COL17A1: variants seen among roughly 807,000 people sequenced by gnomAD.
The protein encoded by COL17A1 is collagen alpha-1(XVII) chain.
Under a neutral mutation model 218.4 loss-of-function variants are expected in COL17A1, and 181 were observed. That is an observed-to-expected ratio of 0.83 (90% CI 0.73 to 0.94). The LOEUF is 0.94. COL17A1 is among the 40% of genes least tolerant of loss of function. COL17A1 has a pLI of 0.00. For missense variants in COL17A1, 1,924 were observed against 1,945.9 expected, an observed-to-expected ratio of 0.99 and a Z score of 0.21; for synonymous variants, 721 against 731.0, an observed-to-expected ratio of 0.99 and a Z score of 0.22.
intron 53 of COL17A1, 48 bp downstream of exon 53, chr10:104,033,190 A>G: frequency 6.4e-7 from 1 of 1,564,730 alleles, no homozygotes; most frequent in South Asian, 1.2e-5. Context: ...GACCCGTGGG[A>G]ACCTATGCAG....
chr10:104,082,216 T>G (rs1349543717), intron 1 of COL17A1, among the ~76,000 whole-genome samples: 1 of 152,244 alleles, frequency 6.6e-6, no homozygotes, highest in Non-Finnish European at 1.5e-5. Flanking sequence ...TAGGTATGTT[T>G]CCTGGAGCCC....
chr10:104,076,295 T>C lies in COL17A1; in HGVS notation c.331+6A>G. 3.1e-6 allele frequency: 5 copies of C among 1,614,060 alleles called. No homozygotes were observed. Among genetic ancestry groups the C allele is most frequent in the Non-Finnish European group, 4.2e-6 (5 of 1,179,940 alleles). ...GGTTCTCTTGTATGGTTAGTGGGAC[T>C]GATACCTTCATACGCATGGCGGGTA... On this transcript the variant is annotated splice_donor_region_variant and intron_variant, in intron 5 of 55. Transcript: ENST00000648076.
intron 10 of COL17A1, 28 bp from the exon 11 acceptor site, chr10:104,063,846 A>G (rs765735112): frequency 1.9e-5 from 30 of 1,613,758 alleles, no homozygotes; most frequent in Non-Finnish European, 2.5e-5. Flanking sequence ...AAGGCTGGTG[A>G]GAGGGACATC....
rs976417514 is a variant in COL17A1 at position 104,036,973 on chromosome 10, G to C, written c.3277+72C>G. On this transcript the variant is annotated intron_variant, in intron 47 of 55. Transcript: ENST00000648076. ...CCTTCCAAGGCTCAGACGAGGACAA[G>C]GTTTGCATGACGAGTGAGGCCAGGA... 6 of 1,382,978 alleles carry C rather than the reference G, an allele frequency of 4.3e-6. No homozygotes were observed. In the African/African-American group the frequency reaches 7.1e-5, roughly 16 times the overall value. The allele number at this position is 1,382,978 out of a possible 1,614,324, so 85.7% of individuals were successfully genotyped here. A position where few individuals can be genotyped will look rare whatever the true frequency, so the allele number is the denominator to read the frequency against.
chr10:104,073,962 T>C (rs2086688469), intron 6 of COL17A1: 2 of 589,718 alleles, frequency 3.4e-6, no homozygotes, highest in East Asian at 3.4e-5. Flanking sequence ...ATTTCTATAG[T>C]GCCACGAGCA....
chr10:104,040,998 G>A lies in COL17A1; in HGVS notation c.2701+67C>T, dbSNP rs370940376. Reference sequence around the variant, plus strand: ...GAGTAGGTTGTGACCACAAGGCTACGGCCACAGTCTGTGGCAGGACAAGGG... The same window carrying A: ...GAGTAGGTTGTGACCACAAGGCTACAGCCACAGTCTGTGGCAGGACAAGGG... On this transcript the variant is annotated intron_variant, in intron 39 of 55. Coordinates refer to ENST00000648076, the MANE Select transcript of COL17A1 (RefSeq NM_000494.4). 375 of 1,551,428 alleles carry A rather than the reference G, an allele frequency of 2.4e-4. No individual in the cohort carries two copies. In the African/African-American group the frequency reaches 3.9e-3, roughly 16 times the overall value.
chr10:104,036,744 T>A, intron 47 of COL17A1, 112 bp from the exon 48 acceptor site: 1 of 1,363,704 alleles, frequency 7.3e-7, no homozygotes, highest in Non-Finnish European at 1.0e-6. Flanking sequence ...GTGACATTTG[T>A]GAGTTCTGGG....
rs2086309433 is a variant in COL17A1 at position 104,037,253 on chromosome 10, T to C, written c.3209-140A>G. 9 of 797,998 alleles carry C rather than the reference T, an allele frequency of 1.1e-5. 1 individual carries two copies. The South Asian group carries it at 1.2e-4, about 10-fold the overall frequency. 49.4% of individuals were successfully genotyped at this position (797,998 alleles called of 1,614,324 possible). Reference sequence around the variant, plus strand: ...TGAATGGAGTATTACGAGGCTATTTTGAAAGCATAACAAAGTCAAATACTG... The same window carrying C: ...TGAATGGAGTATTACGAGGCTATTTCGAAAGCATAACAAAGTCAAATACTG... On this transcript the variant is annotated intron_variant, in intron 46 of 55. Transcript: ENST00000648076.
At chr10:104,036,701 A>T in intron 47 of COL17A1, 69 bp from the exon 48 acceptor site, 1 of 1,578,478 alleles carries the variant, frequency 6.3e-7, no homozygotes, top group Non-Finnish European at 8.6e-7. Context: ...ATCCAGCCAC[A>T]GCCTGGGCTC....
At chr10:104,061,627 T>C (rs1355372025) in intron 12 of COL17A1, among the ~76,000 whole-genome samples, 154 bp from the exon 13 acceptor site, 1 of 151,992 alleles carries the variant, frequency 6.6e-6, no homozygotes, top group East Asian at 1.9e-4. Context: ...GTAATGAGGG[T>C]TTAGATGGAA....
intron 40 of COL17A1, 86 bp from the exon 41 acceptor site, chr10:104,040,085 T>A (rs1197571927): frequency 6.8e-7 from 1 of 1,471,962 alleles, no homozygotes; most frequent in Non-Finnish European, 9.5e-7. Flanking sequence ...GGATAGGGGC[T>A]CCAATGCTAG....
chr10:104,079,632 T>A (rs77681374), intron 2 of COL17A1, among the ~76,000 whole-genome samples: 4,162 of 152,202 alleles, frequency 0.027, 122 homozygotes, highest in East Asian at 0.11. Flanking sequence ...ACTTAATGCA[T>A]AAAAGGAAAT....
chr10:104,042,957 A>G (rs1469133559), intron 35 of COL17A1, among the ~76,000 whole-genome samples: 2 of 152,238 alleles, frequency 1.3e-5, no homozygotes, highest in African/African-American at 4.8e-5. Context: ...AGTTGAAACC[A>G]CAGAGCAGGC....
rs1394051307 is a variant in COL17A1 at position 104,047,644 on chromosome 10, C to A, written c.2335+95G>T. 6 of 1,032,188 alleles carry A rather than the reference C, an allele frequency of 5.8e-6. No homozygotes were observed. In the African/African-American group the frequency reaches 7.9e-5, roughly 14 times the overall value. The allele number at this position is 1,032,188 out of a possible 1,614,324, so 63.9% of individuals were successfully genotyped here. On this transcript the variant is annotated intron_variant, in intron 31 of 55. Coordinates refer to ENST00000648076, the MANE Select transcript of COL17A1 (RefSeq NM_000494.4). ...CACCCCTTCCCCCACAACCTGCACA[C>A]CTGCACATGCACACGCACACACATG...
At chr10:104,065,331 A>G (rs923440249) in intron 9 of COL17A1, among the ~76,000 whole-genome samples, 3 of 152,170 alleles carry the variant, frequency 2.0e-5, no homozygotes, top group African/African-American at 7.2e-5. Context: ...GATGTTTCCT[A>G]TCATAGTAGA....
chr10:104,077,394 C>A, intron 4 of COL17A1, 28 bp downstream of exon 4: 1 of 1,573,342 alleles, frequency 6.4e-7, no homozygotes. Context: ...CCATTCTTCC[C>A]TGACCTCTTG....
In COL17A1 at chr10:104,080,691, GA is replaced by G; in HGVS notation, c.-11-8del. The stretch of plus-strand genomic sequence containing the variant: ...ACATCCATACCATAGCCACCTGCAG[GA>G]AAAATCAGAAACCATGATAGTCATA... On this transcript the variant is annotated splice_region_variant and splice_polypyrimidine_tract_variant and intron_variant, in intron 1 of 55. Coordinates refer to ENST00000648076, the MANE Select transcript of COL17A1 (RefSeq NM_000494.4). 1 of 1,612,882 alleles carries G rather than the reference GA, an allele frequency of 6.2e-7. No homozygotes were observed.
intron 28 of COL17A1, 28 bp downstream of exon 28, chr10:104,050,061 T>A: frequency 6.2e-7 from 1 of 1,614,030 alleles, no homozygotes; most frequent in Non-Finnish European, 8.5e-7. Flanking sequence ...CGTGGATAGA[T>A]TAAAGTAGAT....
At chr10:104,064,177 G>A (rs1034182434) in intron 10 of COL17A1, among the ~76,000 whole-genome samples, 4 of 152,178 alleles carry the variant, frequency 2.6e-5, no homozygotes, top group African/African-American at 7.2e-5. Context: ...AATGAAACTA[G>A]ATCTCCTACA....
Sources: allele counts gnomAD v4.1 joint callset (sites outside exome capture counted in the v4.1 genomes callset), GRCh38; gene constraint gnomAD v4.1.1; transcripts MANE v1.5; gene names NCBI Gene and HGNC (gene_info 2026-07-23, HGNC 2026-07-21).